The following ME2 variants were observed in gnomAD, a reference collection of about 807,000 sequenced individuals.
ME2 encodes malic enzyme 2.
A neutral mutation model predicts 73.7 loss-of-function variants in ME2; 60 were observed. The observed-to-expected ratio is 0.81, with a 90% CI of 0.66 to 1.01. The LOEUF is 1.01. Among genes scored for constraint, ME2 ranks in the 50% least tolerant of loss-of-function variants. The probability of loss-of-function intolerance (pLI) is 0.00; values close to 1 mark genes in which losing one functional copy is unlikely to be tolerated. For missense variants in ME2, 594 were observed against 705.5 expected (o/e 0.84, Z 1.79); for synonymous variants, 199 against 236.9 (o/e 0.84, Z 1.47).
intron 11 of ME2, among the ~76,000 whole-genome samples, 200 bp downstream of exon 11, chr18:50,924,412 C>T (rs1917499265): frequency 6.6e-6 from 1 of 150,534 alleles, no homozygotes; most frequent in African/African-American, 2.5e-5. Context: ...GTCCTAGACA[C>T]TGTGTAGTCG....
intron 11 of ME2, among the ~76,000 whole-genome samples, chr18:50,925,335 C>T (rs1304723970): frequency 2.0e-5 from 3 of 151,936 alleles, no homozygotes; most frequent in Non-Finnish European, 2.9e-5. Context: ...AAAAATTAGC[C>T]GGGCGTGGTG....
chr18:50,910,045 G>T lies in ME2; in HGVS notation c.242+1849G>T, dbSNP rs116556615. On this transcript the variant is annotated intron_variant, in intron 3 of 15. Transcript: ENST00000321341. ...TGCTTTCTTTTATGACATAGAATATGAAAGTCATCGCTCAGATTTAGAAGG... is the reference window on the plus strand; with the variant it reads ...TGCTTTCTTTTATGACATAGAATATTAAAGTCATCGCTCAGATTTAGAAGG... Among the ~76,000 whole-genome samples, 1,343 of 152,168 alleles carry T rather than the reference G, an allele frequency of 8.8e-3. 23 individuals carry two copies. Among genetic ancestry groups the T allele is most frequent in the African/African-American group, 0.031 (1,284 of 41,508 alleles).
At chr18:50,906,346 T>C (rs1439202392) in intron 2 of ME2, among the ~76,000 whole-genome samples, 3 of 152,170 alleles carry the variant, frequency 2.0e-5, no homozygotes, top group Non-Finnish European at 4.4e-5. Flanking sequence ...GGAGTATTGC[T>C]CTTTTGCCTA....
At chr18:50,916,041 G>T in intron 4 of ME2, 127 bp from the exon 5 acceptor site, 2 of 661,158 alleles carry the variant, frequency 3.0e-6, no homozygotes, top group Non-Finnish European at 5.2e-6. Context: ...GTGTGACTTA[G>T]CTAAATCTGC....
intron 2 of ME2, among the ~76,000 whole-genome samples, chr18:50,906,489 T>A (rs71357265): frequency 2.6e-5 from 4 of 152,038 alleles, no homozygotes; most frequent in Non-Finnish European, 4.4e-5. Flanking sequence ...ATTTTTGTAC[T>A]TTTAGTAGAG....
At chr18:50,882,864 G>A (rs564317360) in intron 1 of ME2, among the ~76,000 whole-genome samples, 57 of 152,122 alleles carry the variant, frequency 3.7e-4, no homozygotes, top group African/African-American at 1.3e-3. Flanking sequence ...CAGGAGAATC[G>A]CTTGAACCTG....
chr18:50,902,863 G>A (rs1437019945), intron 2 of ME2, among the ~76,000 whole-genome samples: 3 of 152,156 alleles, frequency 2.0e-5, no homozygotes, highest in African/African-American at 7.2e-5. Context: ...GCATAATAGT[G>A]TAGTAGCCTT....
intron 1 of ME2, among the ~76,000 whole-genome samples, chr18:50,889,528 A>AT (rs1271028302): frequency 6.6e-6 from 1 of 152,004 alleles, no homozygotes; most frequent in Non-Finnish European, 1.5e-5. Context: ...ATAAAGGGGG[A>AT]TTTTTTGAAG....
chr18:50,892,180 TG>T (rs1362716576), intron 1 of ME2, among the ~76,000 whole-genome samples: 3 of 152,232 alleles, frequency 2.0e-5, no homozygotes, highest in African/African-American at 7.2e-5. Context: ...ATCTTTAATC[TG>T]TTTGAAAGGT....
At chr18:50,912,047 A>T (rs928586430) in intron 3 of ME2, among the ~76,000 whole-genome samples, 7 of 152,150 alleles carry the variant, frequency 4.6e-5, no homozygotes, top group African/African-American at 1.7e-4. Flanking sequence ...TTGGTGATTT[A>T]TAGGATTGGT....
intron 2 of ME2, among the ~76,000 whole-genome samples, chr18:50,905,691 T>C (rs537579378): frequency 6.6e-6 from 1 of 152,320 alleles, no homozygotes; most frequent in South Asian, 2.1e-4. Flanking sequence ...TTTTTTCTTA[T>C]TGGCAGTTGG....
At chr18:50,912,028 CTG>C (rs1453234938) in intron 3 of ME2, among the ~76,000 whole-genome samples, 1 of 152,098 alleles carries the variant, frequency 6.6e-6, no homozygotes, top group East Asian at 1.9e-4. Flanking sequence ...CAGGTAGACT[CTG>C]TAGGACTTGG....
intron 2 of ME2, among the ~76,000 whole-genome samples, chr18:50,905,809 T>A (rs1238635528): frequency 6.6e-6 from 1 of 152,188 alleles, no homozygotes; most frequent in Admixed American, 6.5e-5. Flanking sequence ...TCAGAGAGAA[T>A]AGATTGTAAA....
At chr18:50,900,364 G>A (rs750255695) in intron 2 of ME2, among the ~76,000 whole-genome samples, 6 of 151,434 alleles carry the variant, frequency 4.0e-5, no homozygotes, top group Non-Finnish European at 5.9e-5. Context: ...GCGTGATCTC[G>A]GCTCACTGCA....
At chr18:50,924,262 C>A in intron 11 of ME2, 50 bp downstream of exon 11, 1 of 1,209,998 alleles carries the variant, frequency 8.3e-7, no homozygotes, top group Non-Finnish European at 1.2e-6. Flanking sequence ...CTGTATGTTG[C>A]CAGTCATCAT....
At chr18:50,915,089 CCCTCCTCCTCCT>C (rs57668604) in intron 4 of ME2, among the ~76,000 whole-genome samples, 1 of 150,328 alleles carries the variant, frequency 6.7e-6, no homozygotes, top group East Asian at 2.0e-4. Flanking sequence ...GAAGACCAAC[CCCTCCTCCTCCT>C]CCTCCTCCTC....
rs1215951398 is a variant in ME2, at chr18:50,947,027, A to G, written c.1598A>G (p.Tyr533Cys). The change falls in exon 16 of 16, where the codon TAC becomes TGC. Residue 533 changes from tyrosine to cysteine, a missense_variant. By Grantham distance (194) the Tyr-to-Cys change is radical (BLOSUM62 -2). Transcript: ENST00000321341. ...TTACTTATTTTTCAGGTTACAGAAT[A>G]CCTATATGCTAATAAAATGGCTTTC... ...SINIAIKVTE[Y>C]LYANKMAFRY... 5 of 1,612,204 alleles carry G rather than the reference A, an allele frequency of 3.1e-6. No homozygotes were observed. In the East Asian group the frequency reaches 6.7e-5, roughly 22 times the overall value.
In ME2 at chr18:50,953,006, C is replaced by T. The variant is rs889596279; in HGVS notation, c.*5822C>T. On this transcript the variant is annotated 3_prime_UTR_variant, in exon 16 of 16. Transcript: ENST00000321341. ...AGAGCCTGGGTTTTTAGCTCAAACCCCTCTCAGTGAAGAAAGCCTTCTGTG... is the reference window on the plus strand; with the variant it reads ...AGAGCCTGGGTTTTTAGCTCAAACCTCTCTCAGTGAAGAAAGCCTTCTGTG... The T allele has an allele frequency of 6.6e-6, 1 of 152,070 alleles. No homozygotes were observed. Among genetic ancestry groups the T allele is most frequent in the African/African-American group, 2.4e-5 (1 of 41,390 alleles). The allele number at this position is 152,070 out of a possible 1,614,324, so 9.4% of individuals were successfully genotyped here. A position where few individuals can be genotyped will look rare whatever the true frequency, so the allele number is the denominator to read the frequency against.
intron 1 of ME2, among the ~76,000 whole-genome samples, chr18:50,891,685 T>A (rs1414747746): frequency 1.3e-5 from 2 of 152,176 alleles, no homozygotes; most frequent in Non-Finnish European, 2.9e-5. Flanking sequence ...AGAAGACTCT[T>A]GTTGCCATAG....
Sources: allele counts gnomAD v4.1 joint callset (sites outside exome capture counted in the v4.1 genomes callset), GRCh38; gene constraint gnomAD v4.1.1; transcripts MANE v1.5; gene names NCBI Gene and HGNC (gene_info 2026-07-23, HGNC 2026-07-21).